The following RABL2B variants were observed in gnomAD, a reference collection of about 807,000 sequenced individuals.
RABL2B encodes RAB, member of RAS oncogene family like 2B, also known as rab-like protein 2B.
RABL2B carries 17 observed loss-of-function variants against 26.7 expected under a neutral mutation model. The ratio of observed to expected loss-of-function variants is 0.64; its 90% CI spans 0.44 to 0.95. RABL2B has a LOEUF of 0.95. RABL2B is among the 40% of genes least tolerant of loss of function. The pLI is 0.00. For missense variants in RABL2B, 170 were observed against 277.2 expected (o/e 0.61, Z 2.75); for synonymous variants, 70 against 103.9 (o/e 0.67, Z 1.99).
chr22:50,783,169 C>T (rs549097834), intron 1 of RABL2B: 23 of 169,336 alleles, frequency 1.4e-4, no homozygotes, highest in African/African-American at 4.8e-4. Context: ...GGCGCGATCA[C>T]GGCTCACTGC....
rs1291360853 is a variant in RABL2B at position 50,773,040 on chromosome 22, G to C, written c.297+2732C>G. 34 of 1,226,152 alleles carry C rather than the reference G, an allele frequency of 2.8e-5. No homozygotes were observed. In the African/African-American group the frequency reaches 4.4e-4, roughly 16 times the overall value. 76.0% of individuals were successfully genotyped at this position (1,226,152 alleles called of 1,614,324 possible). The stretch of plus-strand genomic sequence containing the variant: ...CAGACACAGGCATGGTGGCAGGAGA[G>C]ACACCCCAGGCCTTCAGAAGAGGGT... On this transcript the variant is annotated intron_variant, in intron 5 of 8. Transcript: ENST00000691320.
At chr22:50,778,994 T>G (rs1456003843) in intron 2 of RABL2B, among the ~76,000 whole-genome samples, 1 of 150,406 alleles carries the variant, frequency 6.6e-6, no homozygotes, top group East Asian at 2.0e-4. Flanking sequence ...ACGTAGAAAA[T>G]TACACAAAGA....
intron 3 of RABL2B, chr22:50,777,662 G>C: frequency 2.0e-6 from 1 of 512,232 alleles, no homozygotes; most frequent in Non-Finnish European, 3.5e-6. Flanking sequence ...AGGAGGAGGA[G>C]GTGGGGTTTG....
At position 50,771,051 on chromosome 22, in the gene RABL2B, T is replaced by G. The variant is rs868923593; in HGVS notation, c.298-1035A>C. Among the ~76,000 whole-genome samples the G allele has an allele frequency of 3.6e-3, 543 of 151,386 alleles. 5 individuals are homozygous for G. Among genetic ancestry groups the G allele is most frequent in the Middle Eastern group, 0.017 (5 of 292 alleles). ...GCCATCACAACTGCCCCTGATTTTT[T>G]TTTTTTTTTTAGACGGAGTCTCACT... On this transcript the variant is annotated intron_variant, in intron 5 of 8. Transcript: ENST00000691320.
At chr22:50,776,789 G>A (rs551436449) in intron 3 of RABL2B, 40 bp from the exon 4 acceptor site, 1 of 1,577,570 alleles carries the variant, frequency 6.3e-7, no homozygotes, top group Admixed American at 1.8e-5. Context: ...AAAAGGGGAG[G>A]TAAGGAAGGA....
intron 2 of RABL2B, among the ~76,000 whole-genome samples, chr22:50,780,397 CTTTTTTTTTT>C (rs149044797): frequency 3.3e-5 from 4 of 122,252 alleles, no homozygotes; most frequent in Admixed American, 8.6e-5. Flanking sequence ...CAAGTGTTAA[CTTTTTTTTTT>C]TTTTTTTTTT....
Position 50,772,600 on chromosome 22 carries a change from G to A in RABL2B, c.298-2584C>T, listed in dbSNP as rs562501781. On this transcript the variant is annotated intron_variant, in intron 5 of 8. Transcript: ENST00000691320. ...GCAAGCAACACGGTTCAAGCTCAGG[G>A]CTAGGGGCTCGCCCTGTGTGGTGGC... The A allele has an allele frequency of 4.0e-5, 40 of 1,007,724 alleles. No homozygotes were observed. The East Asian group carries it at 3.2e-3, about 82-fold the overall frequency. The allele number at this position is 1,007,724 out of a possible 1,614,324, so 62.4% of individuals were successfully genotyped here. A position where few individuals can be genotyped will look rare whatever the true frequency, so the allele number is the denominator to read the frequency against.
At chr22:50,781,896 C>T (rs1343675927) in intron 2 of RABL2B, among the ~76,000 whole-genome samples, 1 of 148,886 alleles carries the variant, frequency 6.7e-6, no homozygotes, top group Non-Finnish European at 1.5e-5. Context: ...CACTCCCCGC[C>T]CTTGCCATCC....
At chr22:50,776,097 C>T (rs2084937167) in intron 4 of RABL2B, among the ~76,000 whole-genome samples, 1 of 152,092 alleles carries the variant, frequency 6.6e-6, no homozygotes, top group African/African-American at 2.4e-5. Context: ...GGAGGAAGGA[C>T]AACACACTGG....
At chr22:50,769,274 T>A (rs1442566283) in intron 7 of RABL2B, 150 bp from the exon 8 acceptor site, 6 of 841,858 alleles carry the variant, frequency 7.1e-6, no homozygotes, top group Admixed American at 7.1e-5. Context: ...CTGACCTATG[T>A]ATGGTCAATG....
chr22:50,780,394 T>G (rs1256433840), intron 2 of RABL2B, among the ~76,000 whole-genome samples: 3 of 146,052 alleles, frequency 2.1e-5, no homozygotes, highest in African/African-American at 7.5e-5. Flanking sequence ...ACACAAGTGT[T>G]AACTTTTTTT....
At position 50,776,769 on chromosome 22, in the gene RABL2B, C is replaced by A. The variant is rs782669376; in HGVS notation, c.138-20G>T. The A allele has an allele frequency of 1.2e-4, 188 of 1,595,442 alleles. No individual in the cohort carries two copies. The Middle Eastern group carries it at 3.3e-3, about 28-fold the overall frequency. On this transcript the variant is annotated intron_variant, in intron 3 of 8. Coordinates refer to ENST00000691320, the MANE Select transcript of RABL2B (RefSeq NM_001130919.3). ...GGCTGACTGCACTCAGGTTAAGGAG[C>A]AAAATCAATAAAAGGGGAGGTAAGG...
At chr22:50,781,121 A>C (rs2085766853) in intron 2 of RABL2B, among the ~76,000 whole-genome samples, 1 of 152,104 alleles carries the variant, frequency 6.6e-6, no homozygotes, top group Non-Finnish European at 1.5e-5. Context: ...TGGGCGGATC[A>C]CAAGGTCCGG....
At chr22:50,778,653 T>C (rs1428995373) in intron 2 of RABL2B, among the ~76,000 whole-genome samples, 13 of 151,058 alleles carry the variant, frequency 8.6e-5, no homozygotes, top group African/African-American at 2.9e-4. Context: ...TTTCTCTCCC[T>C]CTGTTCTAGC....
chr22:50,776,229 C>A (rs1158306341), intron 4 of RABL2B, among the ~76,000 whole-genome samples: 5 of 152,218 alleles, frequency 3.3e-5, no homozygotes, highest in Non-Finnish European at 7.3e-5. Flanking sequence ...GTCAGGCAGG[C>A]TGTGTGCCCG....
chr22:50,767,713 A>C lies in RABL2B; in HGVS notation c.*1063T>G. ...GGCACAAGGTCCAAACTATTCCTCA[A>C]AAAAAAGGACAGCCTCTTTATGCTG... On this transcript the variant is annotated 3_prime_UTR_variant, in exon 9 of 9. Coordinates refer to ENST00000691320, the MANE Select transcript of RABL2B (RefSeq NM_001130919.3). The C allele has an allele frequency of 2.2e-6, 1 of 455,054 alleles. No individual in the cohort carries two copies. The highest frequency in any genetic ancestry group is 7.0e-5 in the East Asian group (1 of 14,324). The allele number at this position is 455,054 out of a possible 1,614,324, so 28.2% of individuals were successfully genotyped here. A position where few individuals can be genotyped will look rare whatever the true frequency, so the allele number is the denominator to read the frequency against.
At chr22:50,769,254 C>T (rs2146928183) in intron 7 of RABL2B, 130 bp from the exon 8 acceptor site, 10 of 654,290 alleles carry the variant, frequency 1.5e-5, no homozygotes, top group South Asian at 1.4e-4. Context: ...ATTTGCCTCT[C>T]CCCGTCACCC....
chr22:50,781,888 C>A (rs1366342846), intron 2 of RABL2B, among the ~76,000 whole-genome samples: 1 of 148,760 alleles, frequency 6.7e-6, no homozygotes, highest in Non-Finnish European at 1.5e-5. Flanking sequence ...TCCATTCCCA[C>A]TCCCCGCCCT....
intron 5 of RABL2B, among the ~76,000 whole-genome samples, chr22:50,770,841 C>T (rs1268793148): frequency 2.0e-5 from 3 of 151,096 alleles, no homozygotes; most frequent in Non-Finnish European, 4.4e-5. Context: ...CCTCAAAACT[C>T]CTGGGCTCAA....
Sources: gnomAD v4.1 joint callset for allele counts (sites outside exome capture counted in the v4.1 genomes callset) on GRCh38, gnomAD v4.1.1 for gene constraint, MANE v1.5 for transcripts, NCBI Gene and HGNC (gene_info 2026-07-23, HGNC 2026-07-21) for gene names.